XIRP2: variants seen among roughly 807,000 people sequenced by gnomAD.
XIRP2 encodes the protein xin actin binding repeat containing 2.
Under a neutral mutation model 277.0 loss-of-function variants are expected in XIRP2, and 236 were observed. The ratio of observed to expected loss-of-function variants is 0.85; its 90% CI spans 0.77 to 0.95. The LOEUF is 0.95. XIRP2 is among the 40% of genes least tolerant of loss of function. XIRP2 has a pLI of 0.00. For synonymous variants in XIRP2, 1,490 were observed against 1,416.5 expected, an observed-to-expected ratio of 1.05 and a Z score of -1.17; for missense variants, 4,640 against 4,157.5, an observed-to-expected ratio of 1.12 and a Z score of -3.19.
intron 2 of XIRP2, among the ~76,000 whole-genome samples, chr2:167,105,762 T>A (rs1690601608): frequency 6.6e-6 from 1 of 151,838 alleles, no homozygotes; most frequent in Admixed American, 6.6e-5. Context: ...ACATGTACCA[T>A]TTTACATTAC....
At chr2:167,013,144 T>C (rs1380318412) in intron 2 of XIRP2, among the ~76,000 whole-genome samples, 1 of 151,452 alleles carries the variant, frequency 6.6e-6, no homozygotes, top group Non-Finnish European at 1.5e-5. Context: ...ATGACTCATG[T>C]CAGTTATTTT....
chr2:167,084,116 T>A (rs1024411914), intron 2 of XIRP2, among the ~76,000 whole-genome samples: 7 of 152,222 alleles, frequency 4.6e-5, no homozygotes, highest in African/African-American at 1.7e-4. Flanking sequence ...ATACATCCCA[T>A]CAATACCTAA....
chr2:167,238,777 G>A (rs182248082), intron 5 of XIRP2, among the ~76,000 whole-genome samples: 16 of 152,170 alleles, frequency 1.1e-4, no homozygotes, highest in Admixed American at 7.9e-4. Context: ...CCACCTTCAG[G>A]CACATTCAAA....
chr2:167,078,584 C>T (rs1451671946), intron 2 of XIRP2, among the ~76,000 whole-genome samples: 2 of 152,016 alleles, frequency 1.3e-5, no homozygotes, highest in Non-Finnish European at 2.9e-5. Context: ...CGCCTGTAAT[C>T]CCAGCACTTT....
rs1174598186 is a variant in XIRP2, at chr2:167,150,240, AATTTGTGTAACC to A, written c.562+14185_562+14196del. On this transcript the variant is annotated intron_variant, in intron 3 of 10. Transcript: ENST00000409195. ...ACTTTTCCCATCAGAATGGCCAAAA[AATTTGTGTAACC>A]ATTTGTAGTTGTGGAGTGTATAAAG... 2.0e-5 allele frequency among the ~76,000 whole-genome samples: 3 copies of A among 152,074 alleles called. No individual in the cohort carries two copies. In the East Asian group the frequency reaches 5.8e-4, roughly 29 times the overall value.
At chr2:166,942,316 A>G (rs1685741751) in intron 2 of XIRP2, among the ~76,000 whole-genome samples, 1 of 152,188 alleles carries the variant, frequency 6.6e-6, no homozygotes, top group Non-Finnish European at 1.5e-5. Context: ...AGTCAAGCAA[A>G]GACATCGTAA....
At position 167,222,811 on chromosome 2, in the gene XIRP2, A is replaced by C. The variant is rs1042073278; in HGVS notation, c.858+4511A>C. On this transcript the variant is annotated intron_variant, in intron 5 of 10. Transcript: ENST00000409195. Reference sequence around the variant, plus strand: ...TTGCCTCTCTCCTGAGTTACTTTTCACTTGCCCACTCTATGGTTTCTGTGT... The same window carrying C: ...TTGCCTCTCTCCTGAGTTACTTTTCCCTTGCCCACTCTATGGTTTCTGTGT... 2.6e-5 allele frequency among the ~76,000 whole-genome samples: 4 copies of C among 152,130 alleles called. No homozygotes were observed. In the East Asian group the frequency reaches 7.7e-4, roughly 29 times the overall value.
Position 167,204,316 on chromosome 2 carries a change from A to G in XIRP2, c.563-6419A>G, listed in dbSNP as rs541572715. 2.0e-5 allele frequency among the ~76,000 whole-genome samples: 3 copies of G among 152,350 alleles called. No individual in the cohort carries two copies. The South Asian group carries it at 6.2e-4, about 32-fold the overall frequency. ...TGGATATTTTTATTGTATATGCAGTATGAGTCAGTTCATAACAGAAAAAGG... is the reference window on the plus strand; with the variant it reads ...TGGATATTTTTATTGTATATGCAGTGTGAGTCAGTTCATAACAGAAAAAGG... On this transcript the variant is annotated intron_variant, in intron 3 of 10. Coordinates refer to ENST00000409195, the MANE Select transcript of XIRP2 (RefSeq NM_152381.6).
chr2:167,199,699 T>C (rs1424407344), intron 3 of XIRP2, among the ~76,000 whole-genome samples: 3 of 152,198 alleles, frequency 2.0e-5, no homozygotes, highest in Non-Finnish European at 4.4e-5. Context: ...TGAGCCTGCC[T>C]ACCGTCTCTC....
At chr2:167,056,699 T>C (rs1405973154) in intron 2 of XIRP2, among the ~76,000 whole-genome samples, 2 of 152,166 alleles carry the variant, frequency 1.3e-5, no homozygotes, top group Non-Finnish European at 2.9e-5. Context: ...TAATCATACA[T>C]ATTTTTATTT....
At chr2:167,150,630 T>G (rs978530710) in intron 3 of XIRP2, among the ~76,000 whole-genome samples, 2 of 152,014 alleles carry the variant, frequency 1.3e-5, no homozygotes, top group Non-Finnish European at 2.9e-5. Flanking sequence ...TATTGATATG[T>G]TGTTGTGTTT....
In XIRP2 at chr2:167,244,492, CA is replaced by C; in HGVS notation, c.3101del (p.His1034LeufsTer5). On this transcript the variant is annotated frameshift_variant, in exon 9 of 11. Transcript: ENST00000409195. LOFTEE classifies it high-confidence loss of function. ...CATTGACCAGTTTGATGAAAGCATT[CA>C]TAAATTTCAAATAATTAGAGGAATA... ...RPIDQFDESI[H>X]KFQIIRGISA... 1 of 1,613,600 alleles carries C rather than the reference CA, an allele frequency of 6.2e-7. No homozygotes were observed.
At chr2:166,946,188 C>T (rs1685858338) in intron 2 of XIRP2, among the ~76,000 whole-genome samples, 1 of 152,076 alleles carries the variant, frequency 6.6e-6, no homozygotes, top group African/African-American at 2.4e-5. Context: ...AATGAAAGGC[C>T]ATGAGCTAAA....
At position 167,247,415 on chromosome 2, in the gene XIRP2, A is replaced by G. The variant is rs7607246; in HGVS notation, c.6023A>G (p.Asn2008Ser). The stretch of plus-strand genomic sequence containing the variant: ...ACTATGGGGAAATCTTGCCATGGCA[A>G]TTTAGTAGAAGAAAGAACTGAGGTT... ...SQTMGKSCHG[N>S]LVEERTEVNL... Residue 2008 changes from asparagine to serine, a missense_variant, in exon 9 of 11, where the codon AAT becomes AGT. Transcript: ENST00000409195. 0.11 allele frequency: 178,685 copies of G among 1,613,556 alleles called. 11,430 individuals carry two copies. Among genetic ancestry groups the G allele is most frequent in the African/African-American group, 0.27 (20,578 of 74,942 alleles).
intron 2 of XIRP2, among the ~76,000 whole-genome samples, chr2:167,028,451 GCCA>G (rs1289679356): frequency 1.3e-5 from 2 of 152,000 alleles, no homozygotes; most frequent in Non-Finnish European, 2.9e-5. Flanking sequence ...CTTACCCAAG[GCCA>G]CCAAGGCAAT....
intron 3 of XIRP2, among the ~76,000 whole-genome samples, chr2:167,177,188 C>T (rs1332519564): frequency 1.3e-5 from 2 of 152,182 alleles, no homozygotes; most frequent in Admixed American, 6.5e-5. Flanking sequence ...ATGGTAGCTT[C>T]CTCCTCCCAG....
At chr2:167,088,299 G>A (rs1446581432) in intron 2 of XIRP2, among the ~76,000 whole-genome samples, 1 of 151,970 alleles carries the variant, frequency 6.6e-6, no homozygotes, top group African/African-American at 2.4e-5. Flanking sequence ...CCTCTTAGGC[G>A]CTCTTCAGGA....
intron 2 of XIRP2, among the ~76,000 whole-genome samples, chr2:167,118,900 T>C (rs1180115178): frequency 6.6e-6 from 1 of 152,024 alleles, no homozygotes; most frequent in East Asian, 1.9e-4. Context: ...GAAAGCTAAA[T>C]AATTGCCAGA....
Position 167,102,301 on chromosome 2 carries a change from G to T in XIRP2, c.409-33608G>T, listed in dbSNP as rs929305642. Among the ~76,000 whole-genome samples, 8 of 152,152 alleles carry T rather than the reference G, an allele frequency of 5.3e-5. No homozygotes were observed. In the East Asian group the frequency reaches 1.5e-3, roughly 29 times the overall value. On this transcript the variant is annotated intron_variant, in intron 2 of 10. Transcript: ENST00000409195. ...TAATCAAAGTCCTAAAGTAAAGCCT[G>T]CACAAGAAGTCCTTTGGGATTATGG...
Sources: allele counts gnomAD v4.1 joint callset (sites outside exome capture counted in the v4.1 genomes callset), GRCh38; gene constraint gnomAD v4.1.1; transcripts MANE v1.5; gene names NCBI Gene and HGNC (gene_info 2026-07-23, HGNC 2026-07-21).